The following MTMR12 variants were observed in gnomAD, a reference collection of about 807,000 sequenced individuals.
MTMR12 encodes the protein myotubularin-related protein 12.
Under a neutral mutation model 96.7 loss-of-function variants are expected in MTMR12, and 33 were observed. The observed-to-expected ratio is 0.34, with a 90% confidence interval of 0.26 to 0.46. The LOEUF is 0.46. MTMR12 is among the 20% of genes least tolerant of loss of function. The pLI is 1.00. For missense variants in MTMR12, 721 were observed against 896.1 expected (o/e 0.80, Z 2.49); for synonymous variants, 298 against 327.2 (o/e 0.91, Z 0.96).
At chr5:32,246,789 C>A (rs1225375551) in intron 10 of MTMR12, among the ~76,000 whole-genome samples, 1 of 152,096 alleles carries the variant, frequency 6.6e-6, no homozygotes, top group African/African-American at 2.4e-5. Flanking sequence ...TTTGTTTTTG[C>A]TTCAATTTCA....
chr5:32,286,179 A>C (rs1034259703), intron 1 of MTMR12, among the ~76,000 whole-genome samples: 5 of 152,212 alleles, frequency 3.3e-5, no homozygotes, highest in Non-Finnish European at 7.4e-5. Flanking sequence ...TTTCTATAAA[A>C]AATATAAAAA....
chr5:32,305,099 T>C (rs1751304829), intron 1 of MTMR12, among the ~76,000 whole-genome samples: 1 of 152,026 alleles, frequency 6.6e-6, no homozygotes. Flanking sequence ...AATTCTTTCT[T>C]TTTTTTTGAG....
chr5:32,248,256 T>C (rs1293885959), intron 9 of MTMR12, 130 bp from the exon 10 acceptor site: 22 of 1,035,014 alleles, frequency 2.1e-5, no homozygotes, highest in Non-Finnish European at 2.8e-5. Context: ...TACCAGGCAA[T>C]TGCTGCAGGA....
intron 14 of MTMR12, chr5:32,234,756 A>G (rs114628175): frequency 2.1e-4 from 96 of 456,214 alleles, no homozygotes; most frequent in African/African-American, 1.6e-3. Context: ...TTAGTGTTCA[A>G]TATCTTTTTT....
chr5:32,267,838 C>T (rs1309951397), intron 6 of MTMR12, among the ~76,000 whole-genome samples: 9 of 152,144 alleles, frequency 5.9e-5, no homozygotes, highest in African/African-American at 2.2e-4. Context: ...TCTTATTTTT[C>T]CTTTTCTTTT....
chr5:32,281,238 A>G (rs926021013), intron 1 of MTMR12, among the ~76,000 whole-genome samples: 2 of 137,110 alleles, frequency 1.5e-5, no homozygotes, highest in Non-Finnish European at 3.1e-5. Context: ...ACAGAAGGAG[A>G]CTCTATCATT....
chr5:32,269,565 A>G (rs1260007825), intron 5 of MTMR12, among the ~76,000 whole-genome samples: 1 of 152,184 alleles, frequency 6.6e-6, no homozygotes, highest in Admixed American at 6.5e-5. Flanking sequence ...TCGGCCTCCC[A>G]AAGTGCTGAG....
intron 15 of MTMR12, among the ~76,000 whole-genome samples, chr5:32,232,192 C>A (rs370659684): frequency 6.0e-4 from 91 of 152,310 alleles, no homozygotes; most frequent in African/African-American, 1.9e-3. Flanking sequence ...GGCATTTGCA[C>A]GGCAGCACCA....
intron 1 of MTMR12, among the ~76,000 whole-genome samples, chr5:32,296,919 G>A (rs1316092438): frequency 6.6e-6 from 1 of 151,876 alleles, no homozygotes; most frequent in East Asian, 1.9e-4. Flanking sequence ...TGGCTAACAT[G>A]GTGAAACCCC....
At position 32,312,769 on chromosome 5, in the gene MTMR12, C is replaced by G. The variant is rs377630646; in HGVS notation, c.70G>C (p.Val24Leu). 12 of 1,527,942 alleles carry G rather than the reference C, an allele frequency of 7.9e-6. No homozygotes were observed. In the Admixed American group the frequency reaches 1.8e-4, roughly 23 times the overall value. The allele number at this position is 1,527,942 out of a possible 1,614,324, so 94.6% of individuals were successfully genotyped here. Residue 24 changes from valine to leucine, a missense_variant, in exon 1 of 16, where the codon GTA becomes CTA. Transcript: ENST00000382142. This position sits in a 1 kb window ranked among gnomAD's most constrained non-coding sequence, Gnocchi z 5.0. ...KAPKPSFVSYVRPEEIHTNEK... is the reference protein window; with the variant it reads ...KAPKPSFVSYLRPEEIHTNEK... ...CGGCGCCCCCTCACCTCAGGGCGTA[C>G]GTACGACACGAAGGAGGGCTTGGGG...
At chr5:32,276,183 C>T (rs974749531) in intron 2 of MTMR12, among the ~76,000 whole-genome samples, 2 of 152,224 alleles carry the variant, frequency 1.3e-5, no homozygotes, top group East Asian at 3.8e-4. Context: ...CCAATCCAGG[C>T]TCCTTCGCAA....
rs1207980581 is a variant in MTMR12, at chr5:32,278,808, T to C, written c.82-2066A>G. On this transcript the variant is annotated intron_variant, in intron 1 of 15. Coordinates refer to ENST00000382142, the MANE Select transcript of MTMR12 (RefSeq NM_001040446.3). ...TTTAAAAATTCTTGGCCAGGTGTGGTGGCTCACGCCTGTAATCCCAGCACT... is the reference window on the plus strand; with the variant it reads ...TTTAAAAATTCTTGGCCAGGTGTGGCGGCTCACGCCTGTAATCCCAGCACT... Among the ~76,000 whole-genome samples the C allele has an allele frequency of 2.6e-5, 4 of 152,230 alleles. No individual in the cohort carries two copies. In the East Asian group the frequency reaches 5.8e-4, roughly 22 times the overall value.
chr5:32,285,075 G>A (rs1356649153), intron 1 of MTMR12, among the ~76,000 whole-genome samples: 2 of 152,068 alleles, frequency 1.3e-5, no homozygotes, highest in Non-Finnish European at 2.9e-5. Context: ...ACAGAAGCAT[G>A]GGCCAGGCAC....
At chr5:32,247,928 C>T (rs1748765100) in intron 10 of MTMR12, 74 bp downstream of exon 10, 4 of 1,547,308 alleles carry the variant, frequency 2.6e-6, no homozygotes, top group Admixed American at 1.8e-5. Flanking sequence ...GGAAAAGGCA[C>T]CAACTTTCAC....
intron 1 of MTMR12, chr5:32,296,432 TC>T: frequency 3.0e-6 from 1 of 337,610 alleles, no homozygotes; most frequent in Admixed American, 3.0e-5. Flanking sequence ...TGAGCTGAGA[TC>T]ACACCACTGC....
chr5:32,302,913 T>C (rs543804130), intron 1 of MTMR12, among the ~76,000 whole-genome samples: 2 of 152,166 alleles, frequency 1.3e-5, no homozygotes, highest in Admixed American at 6.5e-5. Context: ...CTTTTAGAGA[T>C]AGCAAAAAAT....
chr5:32,247,137 C>T (rs1748722831), intron 10 of MTMR12, among the ~76,000 whole-genome samples: 1 of 152,016 alleles, frequency 6.6e-6, no homozygotes. Flanking sequence ...ATTGCTTGAG[C>T]CCCGGAGTTC....
intron 1 of MTMR12, among the ~76,000 whole-genome samples, chr5:32,281,394 C>T (rs1750289165): frequency 1.3e-5 from 2 of 152,016 alleles, no homozygotes; most frequent in Admixed American, 1.3e-4. Flanking sequence ...CTGAAATTAG[C>T]AACACTGAAG....
chr5:32,281,256 A>G (rs113014108), intron 1 of MTMR12, among the ~76,000 whole-genome samples: 1 of 149,894 alleles, frequency 6.7e-6, no homozygotes, highest in African/African-American at 2.5e-5. Flanking sequence ...ATTAAAAAAA[A>G]AAAAAAAACA....
Sources: gnomAD v4.1 joint callset for allele counts (sites outside exome capture counted in the v4.1 genomes callset) on GRCh38, gnomAD v4.1.1 for gene constraint, Gnocchi (gnomAD v3.1) non-coding constraint, MANE v1.5 for transcripts, NCBI Gene and HGNC (gene_info 2026-07-23, HGNC 2026-07-21) for gene names.